Variants in DSCAML1 observed in about 807,000 individuals in gnomAD.
DSCAML1 encodes the protein cell adhesion molecule DSCAML1.
Under a neutral mutation model 200.5 loss-of-function variants are expected in DSCAML1, and 38 were observed. The observed-to-expected ratio is 0.19, with a 90% CI of 0.15 to 0.25. DSCAML1 has a LOEUF of 0.25. DSCAML1 is among the 10% of genes least tolerant of loss of function. The pLI is 1.00. For synonymous variants in DSCAML1, 1,215 were observed against 1,165.0 expected (o/e 1.04, Z -0.87); for missense variants, 2,223 against 2,858.8 (o/e 0.78, Z 5.07).
chr11:117,541,880 C>T (rs1016095033), intron 3 of DSCAML1, among the ~76,000 whole-genome samples: 1 of 146,600 alleles, frequency 6.8e-6, no homozygotes, highest in African/African-American at 2.5e-5. Context: ...TGTACCTCTT[C>T]TTCGTTAGGT....
chr11:117,637,940 A>T (rs529272258), intron 3 of DSCAML1, among the ~76,000 whole-genome samples: 2 of 152,192 alleles, frequency 1.3e-5, no homozygotes, highest in African/African-American at 4.8e-5. Context: ...ACACCTATCT[A>T]CAAAGCACAG....
Position 117,443,742 on chromosome 11 carries a change from C to G in DSCAML1, c.3862+144G>C, listed in dbSNP as rs111351342. The stretch of plus-strand genomic sequence containing the variant: ...AGCAGAGGCCCAGTCTTGGTGTGTG[C>G]GGGAGGCAGGCGGGTGGCCAGTTCC... On this transcript the variant is annotated intron_variant, in intron 21 of 32. Transcript: ENST00000651296. 5.5e-5 allele frequency: 64 copies of G among 1,163,164 alleles called. No individual in the cohort carries two copies. In the African/African-American group the frequency reaches 9.5e-4, roughly 17 times the overall value. The allele number at this position is 1,163,164 out of a possible 1,614,324, so 72.1% of individuals were successfully genotyped here. A position where few individuals can be genotyped will look rare whatever the true frequency, so the allele number is the denominator to read the frequency against.
chr11:117,443,383 C>T (rs1388097007), intron 21 of DSCAML1, among the ~76,000 whole-genome samples: 2 of 152,246 alleles, frequency 1.3e-5, no homozygotes, highest in Admixed American at 6.5e-5. Flanking sequence ...TGATTCTAGC[C>T]CAGAGCCTTC....
intron 3 of DSCAML1, 142 bp from the exon 4 acceptor site, chr11:117,532,664 A>C: frequency 1.2e-6 from 1 of 857,670 alleles, no homozygotes; most frequent in Non-Finnish European, 1.8e-6. Context: ...CTTTCAGTGT[A>C]GATGCTCCAG....
intron 3 of DSCAML1, among the ~76,000 whole-genome samples, chr11:117,773,938 G>A (rs2055084509): frequency 6.6e-6 from 1 of 152,214 alleles, no homozygotes; most frequent in African/African-American, 2.4e-5. Flanking sequence ...CTGCAGATTA[G>A]CATCGAGGCC....
chr11:117,772,987 C>T (rs2134039725), intron 3 of DSCAML1, among the ~76,000 whole-genome samples: 1 of 152,324 alleles, frequency 6.6e-6, no homozygotes, highest in East Asian at 1.9e-4. Flanking sequence ...AAGGGTAGCA[C>T]TTTGGGCTGT....
intron 3 of DSCAML1, among the ~76,000 whole-genome samples, chr11:117,734,619 C>A (rs148104784): frequency 6.6e-6 from 1 of 152,202 alleles, no homozygotes; most frequent in East Asian, 1.9e-4. Flanking sequence ...TGATCTCTTC[C>A]GTAGCTTTTG....
intron 4 of DSCAML1, among the ~76,000 whole-genome samples, chr11:117,527,861 G>A (rs1241319123): frequency 6.6e-6 from 1 of 152,154 alleles, no homozygotes; most frequent in African/African-American, 2.4e-5. Flanking sequence ...TGCTCGTCAG[G>A]GGCTGCCTGT....
rs576889828 is a variant in DSCAML1 at position 117,563,496 on chromosome 11, C to T, written c.512-30974G>A. Among the ~76,000 whole-genome samples, 14 of 152,244 alleles carry T rather than the reference C, an allele frequency of 9.2e-5. No homozygotes were observed. The South Asian group carries it at 2.5e-3, about 27-fold the overall frequency. On this transcript the variant is annotated intron_variant, in intron 3 of 32. Coordinates refer to ENST00000651296, the MANE Select transcript of DSCAML1 (RefSeq NM_020693.4). ...CCCTCTGCTTGTGAAGGTTCTACTT[C>T]CACGCTTTCATAGATGTAAAGGAAG...
At position 117,463,429 on chromosome 11, in the gene DSCAML1, A is replaced by C. The variant is rs2048521738; in HGVS notation, c.3265+1513T>G. ...TCCATGCTGGACACCCGGATTAGAA[A>C]TGAACATTCTTGGCCCCCACCTCAG... On this transcript the variant is annotated intron_variant, in intron 17 of 32. Coordinates refer to ENST00000651296, the MANE Select transcript of DSCAML1 (RefSeq NM_020693.4). The surrounding 1 kb of genome is among the most constrained non-coding windows in gnomAD (Gnocchi z 4.0). Among the ~76,000 whole-genome samples, 1 of 151,732 alleles carries C rather than the reference A, an allele frequency of 6.6e-6. No homozygotes were observed. Among genetic ancestry groups the C allele is most frequent in the Non-Finnish European group, 1.5e-5 (1 of 67,962 alleles).
At position 117,576,215 on chromosome 11, in the gene DSCAML1, C is replaced by T. The variant is rs181467090; in HGVS notation, c.512-43693G>A. ...ACAATCAGGGTCTGTGAAGAAGTTG[C>T]CTTGAGAGGGGTGATTGGGTTTGGG... On this transcript the variant is annotated intron_variant, in intron 3 of 32. Transcript: ENST00000651296. Among the ~76,000 whole-genome samples the T allele has an allele frequency of 1.8e-3, 279 of 152,242 alleles. 2 individuals are homozygous for T. The highest frequency in any genetic ancestry group is 6.3e-3 in the African/African-American group (260 of 41,528).
chr11:117,606,427 A>G (rs2051567650), intron 3 of DSCAML1, among the ~76,000 whole-genome samples: 1 of 152,182 alleles, frequency 6.6e-6, no homozygotes, highest in South Asian at 2.1e-4. Flanking sequence ...TCTGAGGGTT[A>G]AAACACTTTG....
intron 21 of DSCAML1, among the ~76,000 whole-genome samples, chr11:117,442,796 G>C (rs2048095406): frequency 6.6e-6 from 1 of 152,158 alleles, no homozygotes; most frequent in Admixed American, 6.5e-5. Context: ...GGGGTGGTAG[G>C]AGGTGCTGAG....
Position 117,465,175 on chromosome 11 carries a change from T to C in DSCAML1, c.3032A>G (p.Lys1011Arg), listed in dbSNP as rs919607809. The change falls in exon 17 of 33, where the codon AAG (lysine) becomes AGG (arginine). Residue 1011 changes from lysine to arginine, a missense_variant. Physicochemically the swap from Lys to Arg is conservative, Grantham distance 26. Coordinates refer to ENST00000651296, the MANE Select transcript of DSCAML1 (RefSeq NM_020693.4). ...GATGACACCGTTCTGCAGCTCCTTC[T>C]TGGGTGCCTGTGAGCATGGGGTGGG... ...QSIQVTWKAP[K>R]KELQNGVIRG... 6.2e-7 allele frequency: 1 copy of C among 1,613,520 alleles called. No individual in the cohort carries two copies. The highest frequency in any genetic ancestry group is 8.5e-7 in the Non-Finnish European group (1 of 1,179,622).
chr11:117,685,480 A>G (rs544321831), intron 3 of DSCAML1, among the ~76,000 whole-genome samples: 42 of 152,304 alleles, frequency 2.8e-4, no homozygotes, highest in African/African-American at 9.4e-4. Flanking sequence ...GGGCCCAGGT[A>G]GAGTGATGGG....
In DSCAML1 at chr11:117,516,705, T is replaced by A. The variant is rs1411907789; in HGVS notation, c.1545A>T (p.Thr515=). 1 of 1,613,918 alleles carries A rather than the reference T, an allele frequency of 6.2e-7. No individual in the cohort carries two copies. Among genetic ancestry groups the A allele is most frequent in the South Asian group, 1.1e-5 (1 of 91,068 alleles). ...TAAGGGTGTCCCGCCCGGCGACTGC[T>A]GTGATGTTCCGCATAGCCCGGATGC... ...PPSIRAMRNI[T]AVAGRDTLIN... is the part of the protein sequence containing the mutation. Residue 515 remains threonine (T), a synonymous_variant, in exon 8 of 33, where the codon ACA becomes ACT. Coordinates refer to ENST00000651296, the MANE Select transcript of DSCAML1 (RefSeq NM_020693.4). This position sits in a 1 kb window ranked among gnomAD's most constrained non-coding sequence, Gnocchi z 5.7.
At chr11:117,486,162 G>A (rs548655316) in intron 11 of DSCAML1, among the ~76,000 whole-genome samples, 1 of 152,200 alleles carries the variant, frequency 6.6e-6, no homozygotes, top group Non-Finnish European at 1.5e-5. Flanking sequence ...CCTCGCCAGC[G>A]CAAGTGAATG....
intron 3 of DSCAML1, among the ~76,000 whole-genome samples, chr11:117,773,923 C>T (rs555814679): frequency 6.6e-6 from 1 of 152,336 alleles, no homozygotes; most frequent in South Asian, 2.1e-4. Context: ...AAGTTTAACA[C>T]AGCCCTGCAG....
intron 3 of DSCAML1, among the ~76,000 whole-genome samples, chr11:117,562,298 G>A (rs763152162): frequency 6.6e-6 from 1 of 152,166 alleles, no homozygotes; most frequent in Non-Finnish European, 1.5e-5. Flanking sequence ...TGCCTCCTAG[G>A]ATGGGCTGCT....
Sources: gnomAD v4.1 joint callset for allele counts (sites outside exome capture counted in the v4.1 genomes callset) on GRCh38, gnomAD v4.1.1 for gene constraint, Gnocchi (gnomAD v3.1) non-coding constraint, MANE v1.5 for transcripts, NCBI Gene and HGNC (gene_info 2026-07-23, HGNC 2026-07-21) for gene names.